The following ADGRL2 variants were observed in gnomAD, a reference collection of about 807,000 sequenced individuals.
The protein encoded by ADGRL2 is calcium-independent alpha-latrotoxin receptor 2.
In ADGRL2, 44 loss-of-function variants were observed where a neutral mutation model predicts 157.4. The observed-to-expected ratio is 0.28, with a 90% CI of 0.22 to 0.36. The LOEUF (loss-of-function observed/expected upper bound fraction) is 0.36. Among genes scored for constraint, ADGRL2 ranks in the 10% least tolerant of loss-of-function variants. The pLI, the probability that ADGRL2 is intolerant of heterozygous loss-of-function variation, is 1.00. For synonymous variants in ADGRL2, 585 were observed against 624.7 expected, an observed-to-expected ratio of 0.94 and a Z score of 0.95; for missense variants, 1,510 against 1,768.9, an observed-to-expected ratio of 0.85 and a Z score of 2.63.
chr1:81,331,478 C>T (rs140388228), intron 1 of ADGRL2, among the ~76,000 whole-genome samples: 1 of 152,222 alleles, frequency 6.6e-6, no homozygotes, highest in Non-Finnish European at 1.5e-5. Context: ...AATAAGTGCT[C>T]ATCTTTTGCA....
intron 2 of ADGRL2, chr1:81,501,862 C>T (rs1557738700): frequency 2.3e-5 from 37 of 1,598,020 alleles, no homozygotes; most frequent in Non-Finnish European, 7.7e-6. Flanking sequence ...AGATGGATGC[C>T]AGAGAGAAGC....
At chr1:81,394,922 C>T (rs910504433) in intron 1 of ADGRL2, among the ~76,000 whole-genome samples, 6 of 147,086 alleles carry the variant, frequency 4.1e-5, no homozygotes, top group East Asian at 2.0e-4. Context: ...TTTATTTAGA[C>T]GAGTCTTGCT....
chr1:81,966,099 G>A lies in ADGRL2; in HGVS notation c.2059G>A (p.Asp687Asn), dbSNP rs1239946220. ...ACTCAGTACAGAAGGACAGATCCAAGACTTTAAATTTCCTCTGGGCATCAA... is the reference window on the plus strand; with the variant it reads ...ACTCAGTACAGAAGGACAGATCCAAAACTTTAAATTTCCTCTGGGCATCAA... ...AVLSTEGQIQ[D>N]FKFPLGIKGA... is the part of the protein sequence containing the mutation. Residue 687 changes from aspartate to asparagine, a missense_variant, in exon 12 of 24, where the codon GAC (aspartate) becomes AAC (asparagine). By Grantham distance (23) the Asp-to-Asn change is conservative. Transcript: ENST00000686636. 8 of 1,613,924 alleles carry A rather than the reference G, an allele frequency of 5.0e-6. No homozygotes were observed. The highest frequency in any genetic ancestry group is 1.1e-5 in the South Asian group (1 of 91,074).
chr1:81,843,120 A>C (rs1012076107), intron 2 of ADGRL2, among the ~76,000 whole-genome samples: 1 of 152,076 alleles, frequency 6.6e-6, no homozygotes, highest in African/African-American at 2.4e-5. Context: ...TAAAGCAATG[A>C]ATTTTTTAAA....
chr1:81,876,778 G>T (rs6684529), intron 2 of ADGRL2, among the ~76,000 whole-genome samples: 34,799 of 152,026 alleles, frequency 0.23, 5,351 homozygotes, highest in East Asian at 0.67. Context: ...CCTCAGACTA[G>T]AGAAAAATTA....
intron 3 of ADGRL2, among the ~76,000 whole-genome samples, chr1:81,689,222 T>C (rs902677573): frequency 6.6e-6 from 1 of 152,250 alleles, no homozygotes; most frequent in South Asian, 2.1e-4. Flanking sequence ...AGTTTACACT[T>C]TAAGTTGGCC....
upstream of ADGRL2, among the ~76,000 whole-genome samples, chr1:81,798,480 T>C (rs1380016657): frequency 6.6e-6 from 1 of 152,144 alleles, no homozygotes; most frequent in Non-Finnish European, 1.5e-5. Context: ...GCAAGTCTAT[T>C]ATATTTTTAG....
At chr1:81,669,721 T>A (rs893693159) in intron 3 of ADGRL2, among the ~76,000 whole-genome samples, 4 of 151,832 alleles carry the variant, frequency 2.6e-5, no homozygotes, top group Admixed American at 6.6e-5. Context: ...GGCGGGCGGA[T>A]CATGAGGTCA....
intron 1 of ADGRL2, among the ~76,000 whole-genome samples, chr1:81,735,675 A>G (rs1261943841): frequency 6.6e-6 from 1 of 152,114 alleles, no homozygotes; most frequent in Non-Finnish European, 1.5e-5. Flanking sequence ...CTGTAATCCC[A>G]GCTACCTGGG....
chr1:81,900,701 A>G (rs1423096683), intron 2 of ADGRL2, among the ~76,000 whole-genome samples: 2 of 152,228 alleles, frequency 1.3e-5, no homozygotes, highest in African/African-American at 4.8e-5. Flanking sequence ...ACATGTACAG[A>G]GGAGACATGA....
At chr1:81,485,791 G>A (rs762560037) in intron 2 of ADGRL2, among the ~76,000 whole-genome samples, 4 of 151,948 alleles carry the variant, frequency 2.6e-5, no homozygotes, top group Non-Finnish European at 5.9e-5. Flanking sequence ...AGTAAACATT[G>A]ATTAGCAGTG....
At chr1:81,922,146 A>AACC (rs1179754292) in intron 3 of ADGRL2, among the ~76,000 whole-genome samples, 1 of 152,164 alleles carries the variant, frequency 6.6e-6, no homozygotes, top group Non-Finnish European at 1.5e-5. Flanking sequence ...TAGTGTAACA[A>AACC]ACTTTCAAAA....
intron 3 of ADGRL2, among the ~76,000 whole-genome samples, chr1:81,590,708 TG>T (rs981646627): frequency 1.3e-5 from 2 of 152,162 alleles, no homozygotes; most frequent in Non-Finnish European, 2.9e-5. Context: ...AACCCATTTT[TG>T]CATGCTCAGT....
At chr1:81,511,868 A>G (rs1188656267) in intron 2 of ADGRL2, among the ~76,000 whole-genome samples, 2 of 152,022 alleles carry the variant, frequency 1.3e-5, no homozygotes. Flanking sequence ...CACATTTTTC[A>G]AATTGTTTCA....
intron 2 of ADGRL2, among the ~76,000 whole-genome samples, chr1:81,467,542 G>C (rs1258895301): frequency 1.3e-5 from 2 of 152,272 alleles, no homozygotes; most frequent in East Asian, 3.9e-4. Flanking sequence ...TGAAATTAAA[G>C]TCTCAAACCC....
chr1:81,927,247 T>C (rs970324506), intron 3 of ADGRL2, among the ~76,000 whole-genome samples: 5 of 151,996 alleles, frequency 3.3e-5, no homozygotes, highest in African/African-American at 9.7e-5. Flanking sequence ...TGATTTTTAC[T>C]TGGGGAGTGA....
chr1:81,489,236 C>CAAA (rs35819907), intron 2 of ADGRL2, among the ~76,000 whole-genome samples: 26 of 144,004 alleles, frequency 1.8e-4, no homozygotes, highest in African/African-American at 2.8e-4. Context: ...GACTCTGTCT[C>CAAA]AAAAAAAAAA....
chr1:81,776,012 C>T (rs926218490), intron 2 of ADGRL2, among the ~76,000 whole-genome samples: 2 of 152,040 alleles, frequency 1.3e-5, no homozygotes, highest in Non-Finnish European at 2.9e-5. Flanking sequence ...CATTCTGGAT[C>T]TTTCAGATTA....
chr1:81,618,350 A>C (rs902765196), intron 3 of ADGRL2, among the ~76,000 whole-genome samples: 1 of 152,190 alleles, frequency 6.6e-6, no homozygotes, highest in Non-Finnish European at 1.5e-5. Context: ...ACTGTTCCCT[A>C]TCCACTCAGA....
Sources: gnomAD v4.1 joint callset for allele counts (sites outside exome capture counted in the v4.1 genomes callset) on GRCh38, gnomAD v4.1.1 for gene constraint, MANE v1.5 for transcripts, NCBI Gene and HGNC (gene_info 2026-07-23, HGNC 2026-07-21) for gene names.